The following CTDSPL2 variants were observed in gnomAD, a reference collection of about 807,000 sequenced individuals.
The protein encoded by CTDSPL2 is CTD small phosphatase like 2, also known as CTD small phosphatase-like protein 2.
Under a neutral mutation model 60.0 loss-of-function variants are expected in CTDSPL2, and 5 were observed. That is an observed-to-expected ratio of 0.08 (90% CI 0.04 to 0.18). The LOEUF (loss-of-function observed/expected upper bound fraction) is 0.18, where lower values mean the gene tolerates loss of function less well. Among genes scored for constraint, CTDSPL2 ranks in the 10% least tolerant of loss-of-function variants. CTDSPL2 has a pLI of 1.00. For missense variants in CTDSPL2, 370 were observed against 548.8 expected (o/e 0.67, Z 3.26); for synonymous variants, 186 against 189.3 (o/e 0.98, Z 0.14).
In CTDSPL2 at chr15:44,525,664, T is replaced by A; in HGVS notation, c.*1490T>A. ...TAATTTTTTATGTATATTACCTGTT[T>A]ACTTGTACAACTTACTGTACAAATT... On this transcript the variant is annotated 3_prime_UTR_variant, in exon 13 of 13. Transcript: ENST00000260327. The A allele has an allele frequency of 2.5e-6, 1 of 394,082 alleles. No homozygotes were observed. Among genetic ancestry groups the A allele is most frequent in the East Asian group, 3.6e-5 (1 of 27,818 alleles). 24.4% of individuals were successfully genotyped at this position (394,082 alleles called of 1,614,324 possible). A position where few individuals can be genotyped will look rare whatever the true frequency, so the allele number is the denominator to read the frequency against.
intron 1 of CTDSPL2, among the ~76,000 whole-genome samples, chr15:44,450,572 TA>T (rs138203529): frequency 0.028 from 4,278 of 150,738 alleles, 229 homozygotes; most frequent in African/African-American, 0.099. Flanking sequence ...ACATGACCAT[TA>T]AAAGTTATAT....
chr15:44,497,311 C>T (rs368898457), intron 7 of CTDSPL2, among the ~76,000 whole-genome samples, 173 bp downstream of exon 7: 1 of 152,080 alleles, frequency 6.6e-6, no homozygotes, highest in African/African-American at 2.4e-5. Context: ...TTTTCTTATT[C>T]TTATTTTTAC....
intron 8 of CTDSPL2, among the ~76,000 whole-genome samples, chr15:44,504,975 G>C (rs1389827012): frequency 6.6e-6 from 1 of 151,716 alleles, no homozygotes. Flanking sequence ...TTTAGTTATT[G>C]GTACTAATTT....
intron 1 of CTDSPL2, among the ~76,000 whole-genome samples, chr15:44,443,687 A>C (rs1438228097): frequency 3.3e-5 from 5 of 152,066 alleles, no homozygotes; most frequent in African/African-American, 1.2e-4. Flanking sequence ...GTGTGTTTTC[A>C]TGTGCTTATT....
At chr15:44,521,935 C>G (rs1291433236) in intron 12 of CTDSPL2, among the ~76,000 whole-genome samples, 1 of 16,252 alleles carries the variant, frequency 6.2e-5, no homozygotes, top group African/African-American at 2.2e-4. Flanking sequence ...GAGACTCCGT[C>G]TCAAAAAAAA....
Position 44,527,161 on chromosome 15 carries a change from ATTTG to A in CTDSPL2, c.*2992_*2995del, listed in dbSNP as rs951880207. 2.6e-5 allele frequency: 4 copies of A among 152,452 alleles called. No homozygotes were observed. The highest frequency in any genetic ancestry group is 9.7e-5 in the African/African-American group (4 of 41,410). 9.4% of individuals were successfully genotyped at this position (152,452 alleles called of 1,614,324 possible). ...CCAATGGCTTTATCTGTTTCCCAAA[ATTTG>A]TTTGGGATTTGTTGAAAGCATTGTG... On this transcript the variant is annotated 3_prime_UTR_variant, in exon 13 of 13. Transcript: ENST00000260327.
intron 1 of CTDSPL2, among the ~76,000 whole-genome samples, chr15:44,442,960 G>A (rs555487283): frequency 1.3e-5 from 2 of 152,148 alleles, no homozygotes; most frequent in East Asian, 3.9e-4. Flanking sequence ...CTGGGTGACA[G>A]GGTGAGACCG....
chr15:44,506,025 C>CTTTTTTTTTTTTTTTTTTTT (rs753896129), intron 8 of CTDSPL2, among the ~76,000 whole-genome samples: 26 of 117,578 alleles, frequency 2.2e-4, no homozygotes, highest in East Asian at 1.6e-3. Context: ...TCATTGGTAA[C>CTTTTTTTTTTTTTTTTTTTT]TTTTTTTTTT....
chr15:44,448,930 A>G (rs979940376), intron 1 of CTDSPL2: 10 of 415,090 alleles, frequency 2.4e-5, no homozygotes, highest in Middle Eastern at 4.5e-4. Flanking sequence ...TTCAAAAGTA[A>G]CAGTGCCCAA....
chr15:44,455,797 T>A (rs915660593), intron 1 of CTDSPL2, among the ~76,000 whole-genome samples: 1 of 152,022 alleles, frequency 6.6e-6, no homozygotes, highest in African/African-American at 2.4e-5. Context: ...GATAAGCTTT[T>A]TGATGTGCTG....
intron 1 of CTDSPL2, among the ~76,000 whole-genome samples, chr15:44,452,582 A>C (rs1284069324): frequency 1.3e-5 from 2 of 152,166 alleles, no homozygotes; most frequent in African/African-American, 4.8e-5. Flanking sequence ...TGAGTCAAAG[A>C]GTTTGGTGTA....
intron 2 of CTDSPL2, among the ~76,000 whole-genome samples, chr15:44,471,615 T>G (rs1195984272): frequency 6.6e-6 from 1 of 152,226 alleles, no homozygotes; most frequent in African/African-American, 2.4e-5. Context: ...TATAGTTAAG[T>G]ATAGGCACAG....
At chr15:44,457,007 G>T (rs2080461692) in intron 1 of CTDSPL2, among the ~76,000 whole-genome samples, 1 of 151,882 alleles carries the variant, frequency 6.6e-6, no homozygotes, top group Admixed American at 6.6e-5. Flanking sequence ...CTCCCAGGTA[G>T]CTGGGACTAC....
chr15:44,524,059 A>C (rs1293000191), intron 12 of CTDSPL2, 50 bp from the exon 13 acceptor site: 7 of 1,376,752 alleles, frequency 5.1e-6, no homozygotes, highest in South Asian at 4.6e-5. Flanking sequence ...TATGAGGATC[A>C]TATCTTTGAA....
intron 1 of CTDSPL2, among the ~76,000 whole-genome samples, chr15:44,437,795 A>G (rs2080006263): frequency 6.6e-6 from 1 of 152,200 alleles, no homozygotes; most frequent in Non-Finnish European, 1.5e-5. Context: ...GCTAAATTAG[A>G]GATAATCACA....
chr15:44,479,259 T>C (rs1266581024), intron 2 of CTDSPL2, among the ~76,000 whole-genome samples: 1 of 152,052 alleles, frequency 6.6e-6, no homozygotes, highest in Non-Finnish European at 1.5e-5. Context: ...CTCTTTCTTA[T>C]AAGGTATAAT....
At chr15:44,433,592 C>G (rs920593263) in intron 1 of CTDSPL2, among the ~76,000 whole-genome samples, 1 of 151,724 alleles carries the variant, frequency 6.6e-6, no homozygotes, top group African/African-American at 2.4e-5. Context: ...AAGTGATTGT[C>G]CTGCCTCAGC....
intron 1 of CTDSPL2, among the ~76,000 whole-genome samples, chr15:44,435,498 G>A (rs1380729639): frequency 6.6e-6 from 1 of 151,706 alleles, no homozygotes; most frequent in African/African-American, 2.4e-5. Context: ...GAACCCTGGA[G>A]GCGGAGGTTG....
At chr15:44,481,469 G>T in intron 2 of CTDSPL2, among the ~76,000 whole-genome samples, 1 of 152,144 alleles carries the variant, frequency 6.6e-6, no homozygotes, top group South Asian at 2.1e-4. Context: ...TTCTAAACCA[G>T]ACAACAAACT....
Sources: gnomAD v4.1 joint callset for allele counts (sites outside exome capture counted in the v4.1 genomes callset) on GRCh38, gnomAD v4.1.1 for gene constraint, MANE v1.5 for transcripts, NCBI Gene and HGNC (gene_info 2026-07-23, HGNC 2026-07-21) for gene names.